The following ERN2 variants were observed in gnomAD, a reference collection of about 807,000 sequenced individuals.
ERN2 encodes the protein serine/threonine-protein kinase/endoribonuclease IRE2.
Under a neutral mutation model 107.9 loss-of-function variants are expected in ERN2, and 111 were observed. The ratio of observed to expected loss-of-function variants is 1.03; its 90% CI spans 0.88 to 1.20. ERN2 has a LOEUF of 1.20. Among genes scored for constraint, ERN2 ranks in the 50% most tolerant of loss-of-function variants. The pLI is 0.00. For missense variants in ERN2, 1,225 were observed against 1,197.9 expected (o/e 1.02, Z -0.33); for synonymous variants, 524 against 501.7 (o/e 1.04, Z -0.59).
At chr16:23,696,432 C>G (rs932952213) in intron 13 of ERN2, among the ~76,000 whole-genome samples, 3 of 152,148 alleles carry the variant, frequency 2.0e-5, no homozygotes, top group African/African-American at 7.2e-5. Context: ...TAACTGAATC[C>G]TTTTAATTGA....
At chr16:23,694,323 A>G (rs558778678) in intron 17 of ERN2, among the ~76,000 whole-genome samples, 2 of 152,330 alleles carry the variant, frequency 1.3e-5, no homozygotes, top group East Asian at 1.9e-4. Context: ...TAAGTTGCGC[A>G]GTGGTTGTGA....
At chr16:23,699,321 G>A (rs940961310) in intron 13 of ERN2, among the ~76,000 whole-genome samples, 1 of 152,158 alleles carries the variant, frequency 6.6e-6, no homozygotes, top group African/African-American at 2.4e-5. Flanking sequence ...GCCAAGGTAT[G>A]AGGAAGTGGC....
rs1245514156 is a variant in ERN2, at chr16:23,702,416, G to C, written c.1055C>G (p.Ala352Gly). The part of the protein sequence containing the change: ...TAVRYPSGSV[A>G]LPSQWLLIGH... ...AATGAGCAGCCACTGGCTTGGGAGG[G>C]CCACACTGCCTGAGGGGTATCTAAC... The change falls in exon 10 of 22, where the codon GCC becomes GGC. Residue 352 changes from alanine to glycine, a missense_variant. Physicochemically the swap from Ala to Gly is moderately conservative, Grantham distance 60. Coordinates refer to ENST00000256797, the MANE Select transcript of ERN2 (RefSeq NM_033266.4). 3.1e-6 allele frequency: 5 copies of C among 1,613,512 alleles called. No individual in the cohort carries two copies. The African/African-American group carries it at 6.7e-5, about 22-fold the overall frequency.
chr16:23,703,132 T>C (rs1267664444), intron 8 of ERN2, among the ~76,000 whole-genome samples: 2 of 152,200 alleles, frequency 1.3e-5, no homozygotes, highest in South Asian at 2.1e-4. Context: ...TGTTGTTTTT[T>C]AAGTTCTCTG....
intron 8 of ERN2, among the ~76,000 whole-genome samples, chr16:23,704,505 T>A (rs1214683837): frequency 6.6e-6 from 1 of 152,220 alleles, no homozygotes; most frequent in Non-Finnish European, 1.5e-5. Context: ...TCCTGCTTGC[T>A]TTCTGCCATG....
At chr16:23,704,478 CG>C (rs1960216531) in intron 8 of ERN2, among the ~76,000 whole-genome samples, 1 of 152,192 alleles carries the variant, frequency 6.6e-6, no homozygotes, top group Admixed American at 6.5e-5. Context: ...CCGCCATCCA[CG>C]TAAGATGTGA....
At position 23,701,056 on chromosome 16, in the gene ERN2, G is replaced by A. The variant is rs1960044071; in HGVS notation, c.1262C>T (p.Thr421Ile). ...TCCCAGCCCCAAGTAAGAGTCTGGA[G>A]TTTTTTCTTCTGGATGCAGCTCGGA... Reference protein sequence around the residue: ...WDSELHPEEKTPDSYLGLGPQ... With the variant: ...WDSELHPEEKIPDSYLGLGPQ... The change falls in exon 12 of 22, where the codon ACT becomes ATT. Residue 421 changes from threonine to isoleucine, a missense_variant. Coordinates refer to ENST00000256797, the MANE Select transcript of ERN2 (RefSeq NM_033266.4). 1.2e-6 allele frequency: 2 copies of A among 1,614,200 alleles called. No individual in the cohort carries two copies. Among genetic ancestry groups the A allele is most frequent in the Non-Finnish European group, 1.7e-6 (2 of 1,180,020 alleles).
Position 23,692,042 on chromosome 16 carries a change from G to A in ERN2, c.2297C>T (p.Pro766Leu), listed in dbSNP as rs148879059. The A allele has an allele frequency of 6.8e-6, 11 of 1,613,724 alleles. No individual in the cohort carries two copies. Among genetic ancestry groups the A allele is most frequent in the African/African-American group, 2.7e-5 (2 of 74,892 alleles). Residue 766 changes from proline (P) to leucine (L), a missense_variant, in exon 19 of 22, where the codon CCG becomes CTG. Transcript: ENST00000256797. Reference sequence around the variant, plus strand: ...CTGGGGGGCAGAGGGGCGTGGCTGCGGCAGTGGGCTCAACATGGCTCCAAC... The same window carrying A: ...CTGGGGGGCAGAGGGGCGTGGCTGCAGCAGTGGGCTCAACATGGCTCCAAC... ...DLVGAMLSPL[P>L]QPRPSAPQVL...
At chr16:23,698,925 C>T (rs554191926) in intron 13 of ERN2, among the ~76,000 whole-genome samples, 1 of 152,266 alleles carries the variant, frequency 6.6e-6, no homozygotes, top group Non-Finnish European at 1.5e-5. Flanking sequence ...GCTGTGACTC[C>T]ACTGTAATTT....
chr16:23,691,991 C>T lies in ERN2; in HGVS notation c.2348G>A (p.Ser783Asn). The T allele has an allele frequency of 1.2e-6, 2 of 1,613,532 alleles. No individual in the cohort carries two copies. The highest frequency in any genetic ancestry group is 1.1e-5 in the South Asian group (1 of 91,010). ...PQVLAHPFFW[S>N]RAKQLQFFQD... ...GAAGAACTGGAGTTGCTTGGCTCTGCTCCAAAAGAAGGGGTGGGCCAGCAC... is the reference window on the plus strand; with the variant it reads ...GAAGAACTGGAGTTGCTTGGCTCTGTTCCAAAAGAAGGGGTGGGCCAGCAC... Residue 783 changes from serine (S) to asparagine (N), a missense_variant, in exon 19 of 22, where the codon AGC (serine) becomes AAC (asparagine). Physicochemically the swap from Ser to Asn is conservative, Grantham distance 46 (BLOSUM62 1). Transcript: ENST00000256797.
chr16:23,700,803 A>G (rs1960030740), intron 12 of ERN2, 99 bp from the exon 13 acceptor site: 3 of 1,491,280 alleles, frequency 2.0e-6, no homozygotes, highest in Non-Finnish European at 2.7e-6. Context: ...GACTGCATGA[A>G]CTTACAGAGC....
intron 19 of ERN2, 91 bp from the exon 20 acceptor site, chr16:23,691,516 C>A: frequency 6.9e-7 from 1 of 1,451,900 alleles, no homozygotes; most frequent in Non-Finnish European, 9.2e-7. Context: ...TTTAGGGTGA[C>A]TGACAAGGAT....
At chr16:23,702,725 AG>A (rs1787049588) in intron 8 of ERN2, 23 bp from the exon 9 acceptor site, 2 of 1,600,320 alleles carry the variant, frequency 1.2e-6, no homozygotes, top group Non-Finnish European at 1.7e-6. Context: ...AAGAAAAAGA[AG>A]AGAAGAATGA....
Position 23,695,981 on chromosome 16 carries a change from G to T in ERN2, c.1526-3C>A, listed in dbSNP as rs774545374. ...CCCCACTACGGTGAGTTGCTCAGCT[G>T]GGGGAGAGGAGGGTGGTGACTCAGG... On this transcript the variant is annotated splice_polypyrimidine_tract_variant and splice_region_variant and intron_variant, in intron 13 of 21. Coordinates refer to ENST00000256797, the MANE Select transcript of ERN2 (RefSeq NM_033266.4). The T allele has an allele frequency of 1.2e-6, 2 of 1,612,932 alleles. No homozygotes were observed. The highest frequency in any genetic ancestry group is 8.5e-7 in the Non-Finnish European group (1 of 1,178,998).
At position 23,710,886 on chromosome 16, in the gene ERN2, A is replaced by T. The variant is rs1390420556; in HGVS notation, c.199+27T>A. On this transcript the variant is annotated intron_variant, in intron 2 of 21. Coordinates refer to ENST00000256797, the MANE Select transcript of ERN2 (RefSeq NM_033266.4). ...CCTTCACCAATCTATGGGCCCAAGG[A>T]GGGAGGAGGGACCACCTCTTGCTCA... 30 of 1,482,670 alleles carry T rather than the reference A, an allele frequency of 2.0e-5. No individual in the cohort carries two copies. In the Admixed American group the frequency reaches 5.0e-4, roughly 25 times the overall value. The allele number at this position is 1,482,670 out of a possible 1,614,324, so 91.8% of individuals were successfully genotyped here.
chr16:23,704,782 G>A (rs755098916), intron 8 of ERN2, 101 bp downstream of exon 8: 152 of 1,271,140 alleles, frequency 1.2e-4, no homozygotes, highest in Non-Finnish European at 1.6e-4. Context: ...CTGGTTCAGC[G>A]GTACTGGTGT....
At position 23,695,185 on chromosome 16, in the gene ERN2, C is replaced by A. The variant is rs751335931; in HGVS notation, c.1800+15G>T. 2 of 1,613,878 alleles carry A rather than the reference C, an allele frequency of 1.2e-6. No homozygotes were observed. Among genetic ancestry groups the A allele is most frequent in the Admixed American group, 3.3e-5 (2 of 60,018 alleles). ...ACCTTCCCACTCACCCTCCCTGAAC[C>A]GCAATGCAACTCACCTCCTGCAAGG... On this transcript the variant is annotated intron_variant, in intron 15 of 21. Transcript: ENST00000256797.
intron 13 of ERN2, among the ~76,000 whole-genome samples, chr16:23,698,840 G>A (rs1190155613): frequency 2.0e-5 from 3 of 152,084 alleles, no homozygotes; most frequent in Non-Finnish European, 2.9e-5. Context: ...CCCCTGCCTT[G>A]GCCTCCCAAA....
At chr16:23,692,138 C>A (rs199557954) in intron 18 of ERN2, 46 bp downstream of exon 18, 4 of 1,613,814 alleles carry the variant, frequency 2.5e-6, no homozygotes, top group Middle Eastern at 3.3e-4. Flanking sequence ...GCCTGCCTAG[C>A]GTCTTGCCCG....
Sources: allele counts gnomAD v4.1 joint callset (sites outside exome capture counted in the v4.1 genomes callset), GRCh38; gene constraint gnomAD v4.1.1; transcripts MANE v1.5; gene names NCBI Gene and HGNC (gene_info 2026-07-23, HGNC 2026-07-21).